Variants in TSPAN11 observed in about 807,000 individuals in gnomAD.
TSPAN11 encodes tetraspanin-11.
A neutral mutation model predicts 32.9 loss-of-function variants in TSPAN11; 29 were observed. The ratio of observed to expected loss-of-function variants is 0.88; its 90% CI spans 0.66 to 1.20. The LOEUF is 1.20. Ranked by LOEUF, TSPAN11 falls within the 50% of genes most tolerant of loss-of-function variation. The probability of loss-of-function intolerance (pLI) is 0.00; values close to 1 mark genes in which losing one functional copy is unlikely to be tolerated. For missense variants in TSPAN11, 283 were observed against 329.1 expected (o/e 0.86, Z 1.08); for synonymous variants, 140 against 141.3 (o/e 0.99, Z 0.07).
chr12:30,942,477 A>G (rs1938186146), intron 1 of TSPAN11, among the ~76,000 whole-genome samples: 1 of 152,236 alleles, frequency 6.6e-6, no homozygotes, highest in Admixed American at 6.5e-5. Flanking sequence ...TGTCACAAGC[A>G]CTGAAGTTCT....
chr12:30,972,607 G>T (rs991128856), intron 3 of TSPAN11, among the ~76,000 whole-genome samples: 1 of 152,166 alleles, frequency 6.6e-6, no homozygotes, highest in African/African-American at 2.4e-5. Context: ...TGTTTCTCAG[G>T]CTTGTACAAC....
At chr12:30,972,584 GCA>G (rs1592487209) in intron 3 of TSPAN11, among the ~76,000 whole-genome samples, 3 of 152,252 alleles carry the variant, frequency 2.0e-5, no homozygotes, top group East Asian at 3.9e-4. Flanking sequence ...GGTTCTGTGT[GCA>G]CACACAGGAG....
intron 6 of TSPAN11, 51 bp downstream of exon 6, chr12:30,982,741 G>A (rs532803872): frequency 5.3e-5 from 80 of 1,509,060 alleles, no homozygotes; most frequent in Middle Eastern, 2.3e-4. Context: ...TGGCCTGGCC[G>A]TTCAGGAGCC....
chr12:30,955,317 A>G (rs1832306773), intron 2 of TSPAN11: 6 of 152,232 alleles, frequency 3.9e-5, no homozygotes, highest in African/African-American at 1.4e-4. Context: ...AGATGGTGCA[A>G]TAATAAAGCT....
chr12:30,963,522 GA>G (rs1938656775), intron 2 of TSPAN11, among the ~76,000 whole-genome samples: 1 of 152,196 alleles, frequency 6.6e-6, no homozygotes, highest in Non-Finnish European at 1.5e-5. Flanking sequence ...GATCATCCCT[GA>G]AACTGCAGTC....
downstream of TSPAN11, among the ~76,000 whole-genome samples, chr12:30,999,779 C>G (rs575516885): frequency 6.6e-6 from 1 of 152,048 alleles, no homozygotes; most frequent in Non-Finnish European, 1.5e-5. Context: ...TTCCAGAACT[C>G]GGTAACCAGA....
chr12:30,957,028 C>T (rs536238952), intron 2 of TSPAN11, among the ~76,000 whole-genome samples: 5 of 152,300 alleles, frequency 3.3e-5, no homozygotes, highest in East Asian at 3.9e-4. Context: ...CAGGGGAGTG[C>T]GATGACTTGA....
At chr12:30,955,098 G>A (rs981435030) in intron 2 of TSPAN11, 4 of 152,212 alleles carry the variant, frequency 2.6e-5, no homozygotes, top group Admixed American at 2.6e-4. Flanking sequence ...CATGATGTGA[G>A]AGTTTAGGAT....
intron 1 of TSPAN11, among the ~76,000 whole-genome samples, chr12:30,943,830 G>T (rs190047659): frequency 6.6e-6 from 1 of 152,230 alleles, no homozygotes; most frequent in Admixed American, 6.5e-5. Context: ...TAACTAAGAG[G>T]GAAACGGGCA....
intron 7 of TSPAN11, among the ~76,000 whole-genome samples, chr12:30,984,416 G>A (rs1939158679): frequency 6.6e-6 from 1 of 152,184 alleles, no homozygotes; most frequent in African/African-American, 2.4e-5. Context: ...TGGCACATAG[G>A]AAGGCCTCCA....
At chr12:31,016,479 G>C in the TSPAN11 span, among the ~76,000 whole-genome samples, 7 of 151,846 alleles carry the variant, frequency 4.6e-5, no homozygotes, top group African/African-American at 1.7e-4. Context: ...AAGGAAAGGA[G>C]AGGAGAGGAA....
chr12:30,955,626 G>A (rs564835643), intron 2 of TSPAN11, among the ~76,000 whole-genome samples: 1 of 152,224 alleles, frequency 6.6e-6, no homozygotes, highest in East Asian at 1.9e-4. Flanking sequence ...CAAAAATCAA[G>A]GTGTCACAGG....
chr12:30,927,804 G>T (rs1260039782), intron 1 of TSPAN11, among the ~76,000 whole-genome samples: 3 of 152,298 alleles, frequency 2.0e-5, no homozygotes, highest in African/African-American at 7.2e-5. Context: ...TTGTCACTGT[G>T]TCAGTAGCAT....
chr12:30,951,489 G>C (rs1938380734), intron 1 of TSPAN11, among the ~76,000 whole-genome samples: 1 of 152,138 alleles, frequency 6.6e-6, no homozygotes, highest in Non-Finnish European at 1.5e-5. Context: ...TCTTTATTCA[G>C]CTCTGGCTTT....
chr12:30,953,604 C>T (rs944662314), intron 1 of TSPAN11, among the ~76,000 whole-genome samples: 1 of 152,182 alleles, frequency 6.6e-6, no homozygotes, highest in Non-Finnish European at 1.5e-5. Flanking sequence ...GTTTCCTATG[C>T]AAAGTAGTGA....
At chr12:30,988,381 A>C (rs551157302) in intron 7 of TSPAN11, 1 of 152,228 alleles carries the variant, frequency 6.6e-6, no homozygotes, top group Admixed American at 6.5e-5. Context: ...CAAGGTCAGG[A>C]GATTGAGTCC....
intron 7 of TSPAN11, among the ~76,000 whole-genome samples, chr12:30,986,378 G>A (rs1939200936): frequency 1.3e-5 from 2 of 152,308 alleles, no homozygotes; most frequent in South Asian, 4.1e-4. Context: ...GGATATTTGT[G>A]AGCCTTTTTT....
intron 1 of TSPAN11, among the ~76,000 whole-genome samples, chr12:30,936,934 G>A (rs2140271988): frequency 6.6e-6 from 1 of 152,322 alleles, no homozygotes. Flanking sequence ...ACCAGGAAGA[G>A]GACGAGTCGA....
intron 2 of TSPAN11, among the ~76,000 whole-genome samples, chr12:30,956,814 A>G (rs1428692202): frequency 2.0e-5 from 3 of 152,200 alleles, no homozygotes; most frequent in Non-Finnish European, 4.4e-5. Context: ...GTTAATAATC[A>G]AAACGTTTCT....
Sources: gnomAD v4.1 joint callset for allele counts (sites outside exome capture counted in the v4.1 genomes callset) on GRCh38, gnomAD v4.1.1 for gene constraint, MANE v1.5 for transcripts, NCBI Gene and HGNC (gene_info 2026-07-23, HGNC 2026-07-21) for gene names.